The following CERS6 variants were observed in gnomAD, a reference collection of about 807,000 sequenced individuals.
CERS6 encodes the protein ceramide synthase 6.
A neutral mutation model predicts 56.8 loss-of-function variants in CERS6; 26 were observed. That is an observed-to-expected ratio of 0.46 (90% CI 0.34 to 0.63). The LOEUF (loss-of-function observed/expected upper bound fraction) is 0.63, where lower values mean the gene tolerates loss of function less well. Among genes scored for constraint, CERS6 ranks in the 30% least tolerant of loss-of-function variants. The probability of loss-of-function intolerance (pLI) is 0.01; values close to 1 mark genes in which losing one functional copy is unlikely to be tolerated. For synonymous variants in CERS6, 164 were observed against 173.3 expected, an observed-to-expected ratio of 0.95 and a Z score of 0.42; for missense variants, 415 against 467.5, an observed-to-expected ratio of 0.89 and a Z score of 1.04.
intron 1 of CERS6, among the ~76,000 whole-genome samples, chr2:168,544,405 A>G (rs1695425327): frequency 6.6e-6 from 1 of 152,152 alleles, no homozygotes; most frequent in Non-Finnish European, 1.5e-5. Context: ...ATCCCGCTTC[A>G]TCTGGTTGAG....
At chr2:168,669,151 G>C (rs1279352881) in intron 4 of CERS6, among the ~76,000 whole-genome samples, 1 of 152,184 alleles carries the variant, frequency 6.6e-6, no homozygotes, top group Non-Finnish European at 1.5e-5. Context: ...ATGTTATTAA[G>C]GATATGGGGA....
chr2:168,696,374 G>A (rs572272799), intron 6 of CERS6, among the ~76,000 whole-genome samples: 6 of 152,206 alleles, frequency 3.9e-5, no homozygotes, highest in Non-Finnish European at 7.4e-5. Context: ...CAAACTTACA[G>A]TTCCCTCTCC....
At chr2:168,757,961 T>C (rs968533459) in intron 8 of CERS6, among the ~76,000 whole-genome samples, 1 of 152,206 alleles carries the variant, frequency 6.6e-6, no homozygotes, top group Non-Finnish European at 1.5e-5. Flanking sequence ...AGATGTTATT[T>C]AAGCCTGGAG....
chr2:168,579,394 A>G (rs1231322440), intron 3 of CERS6, among the ~76,000 whole-genome samples: 3 of 152,022 alleles, frequency 2.0e-5, no homozygotes, highest in African/African-American at 4.8e-5. Flanking sequence ...GAGCTTGCAA[A>G]GGTGTTTTTA....
At chr2:168,718,062 A>G (rs1261985086) in intron 8 of CERS6, 84 bp downstream of exon 8, 3 of 950,014 alleles carry the variant, frequency 3.2e-6, no homozygotes, top group African/African-American at 1.7e-5. Context: ...TTTTACTGTA[A>G]GTATTTACAG....
intron 1 of CERS6, among the ~76,000 whole-genome samples, chr2:168,482,529 T>A (rs1694195410): frequency 6.6e-6 from 1 of 152,270 alleles, no homozygotes; most frequent in Admixed American, 6.5e-5. Flanking sequence ...GTGGTCTTGC[T>A]TCTGTTCTGC....
chr2:168,655,096 C>G (rs1372550358), intron 4 of CERS6, among the ~76,000 whole-genome samples: 1 of 151,946 alleles, frequency 6.6e-6, no homozygotes, highest in African/African-American at 2.4e-5. Context: ...GACATTTATC[C>G]AAAGAAGACA....
chr2:168,523,422 TG>T (rs1695017564), intron 1 of CERS6, among the ~76,000 whole-genome samples: 1 of 152,136 alleles, frequency 6.6e-6, no homozygotes, highest in South Asian at 2.1e-4. Flanking sequence ...TTTTCATGAT[TG>T]TCTGAGATGA....
intron 8 of CERS6, among the ~76,000 whole-genome samples, chr2:168,737,129 G>A (rs1683738674): frequency 1.3e-5 from 2 of 152,138 alleles, no homozygotes; most frequent in Admixed American, 1.3e-4. Flanking sequence ...CTCTTAAGAG[G>A]CACAAGCAAT....
At chr2:168,463,084 G>A (rs1380614167) in intron 1 of CERS6, among the ~76,000 whole-genome samples, 1 of 152,138 alleles carries the variant, frequency 6.6e-6, no homozygotes, top group African/African-American at 2.4e-5. Flanking sequence ...GGCCCTGTAA[G>A]GTGGATACTA....
chr2:168,661,057 G>A (rs567743565), intron 4 of CERS6, among the ~76,000 whole-genome samples: 1 of 152,100 alleles, frequency 6.6e-6, no homozygotes, highest in Non-Finnish European at 1.5e-5. Flanking sequence ...GAGGCGGGAG[G>A]GGGTGGGGCA....
chr2:168,456,689 C>A lies in CERS6; in HGVS notation c.170+71C>A. 1 of 1,465,784 alleles carries A rather than the reference C, an allele frequency of 6.8e-7. No homozygotes were observed. The allele number at this position is 1,465,784 out of a possible 1,614,324, so 90.8% of individuals were successfully genotyped here. On this transcript the variant is annotated intron_variant, in intron 1 of 9. Coordinates refer to ENST00000305747, the MANE Select transcript of CERS6 (RefSeq NM_203463.3). The surrounding 1 kb of genome is among the most constrained non-coding windows in gnomAD (Gnocchi z 4.1). The stretch of plus-strand genomic sequence containing the variant: ...ACGCGCGCACACACTCGCGCGCTCT[C>A]TGGCGCACGCCCCCGCGCCCCCAAC...
At chr2:168,619,566 C>T (rs1168762552) in intron 3 of CERS6, among the ~76,000 whole-genome samples, 1 of 152,018 alleles carries the variant, frequency 6.6e-6, no homozygotes, top group African/African-American at 2.4e-5. Flanking sequence ...ATAGAGAATT[C>T]TCAAAAGAAG....
chr2:168,612,617 G>A (rs1253001225), intron 3 of CERS6, among the ~76,000 whole-genome samples: 3 of 152,202 alleles, frequency 2.0e-5, no homozygotes, highest in African/African-American at 7.2e-5. Flanking sequence ...GAAAAGGGTG[G>A]AGGCACAGAG....
intron 1 of CERS6, among the ~76,000 whole-genome samples, chr2:168,542,259 A>G (rs1352274166): frequency 1.3e-5 from 2 of 152,230 alleles, no homozygotes; most frequent in Non-Finnish European, 2.9e-5. Context: ...GGATTCAAAT[A>G]CAGTTCTAAG....
rs374989501 is a variant in CERS6, at chr2:168,533,291, A to G, written c.171-14305A>G. ...GGCCTCATAAAATGAGTTAGGGAGG[A>G]GTCCCTCTTTTTCTATTGTTTGGAA... On this transcript the variant is annotated intron_variant, in intron 1 of 9. Transcript: ENST00000305747. 1.1e-4 allele frequency among the ~76,000 whole-genome samples: 16 copies of G among 152,108 alleles called. 1 individual carries two copies. The highest frequency in any genetic ancestry group is 5.8e-4 in the East Asian group (3 of 5,194).
chr2:168,708,690 A>G (rs1212359743), intron 6 of CERS6, among the ~76,000 whole-genome samples: 1 of 152,152 alleles, frequency 6.6e-6, no homozygotes, highest in African/African-American at 2.4e-5. Context: ...CGAAGGGAGA[A>G]GAGCCTTTTT....
chr2:168,653,637 C>T (rs1685398472), intron 4 of CERS6, among the ~76,000 whole-genome samples: 1 of 152,154 alleles, frequency 6.6e-6, no homozygotes, highest in South Asian at 2.1e-4. Context: ...GCCTTTAAAT[C>T]TCCATTTCTA....
intron 1 of CERS6, among the ~76,000 whole-genome samples, chr2:168,477,219 G>GAGAGAGAT (rs1694094244): frequency 7.9e-6 from 1 of 126,932 alleles, no homozygotes; most frequent in African/African-American, 3.1e-5. Context: ...GAGAGAGAGA[G>GAGAGAGAT]TCTCATAGGG....
Sources: allele counts gnomAD v4.1 joint callset (sites outside exome capture counted in the v4.1 genomes callset), GRCh38; gene constraint gnomAD v4.1.1; non-coding constraint Gnocchi (gnomAD v3.1); transcripts MANE v1.5; gene names NCBI Gene and HGNC (gene_info 2026-07-23, HGNC 2026-07-21).